Variants in ANGEL1 observed in about 807,000 individuals in gnomAD.
ANGEL1 encodes RNA 2',3'-cyclic phosphatase ANGEL1.
In ANGEL1, 62 loss-of-function variants were observed where a neutral mutation model predicts 76.4. The ratio of observed to expected loss-of-function variants is 0.81; its 90% CI spans 0.66 to 1.00. ANGEL1 has a LOEUF of 1.00. ANGEL1 is among the 50% of genes least tolerant of loss of function. ANGEL1 has a pLI of 0.00. For synonymous variants in ANGEL1, 340 were observed against 331.7 expected, an observed-to-expected ratio of 1.03 and a Z score of -0.27; for missense variants, 737 against 836.7, an observed-to-expected ratio of 0.88 and a Z score of 1.47.
chr14:76,803,987 T>C (rs1406060432), intron 5 of ANGEL1, 75 bp from the exon 6 acceptor site: 13 of 1,613,392 alleles, frequency 8.1e-6, no homozygotes, highest in East Asian at 2.2e-5. Context: ...TTTTGGGACA[T>C]GTGGACAAAT....
Position 76,803,456 on chromosome 14 carries a change from G to A in ANGEL1, c.1533C>T (p.Phe511=). ...RSERRKYGRD[F]LLRFRFCSIA... ...TGCTGCAGAAGCGGAAACGTAGCAG[G>A]AAGTCTCGGCCATACTTGCGTCTCT... Residue 511 remains phenylalanine, a synonymous_variant, in exon 7 of 10, where the codon TTC becomes TTT. Transcript: ENST00000251089. The A allele has an allele frequency of 6.2e-7, 1 of 1,614,206 alleles. No homozygotes were observed.
rs772561175 is a variant in ANGEL1, at chr14:76,806,672, G to A, written c.1124C>T (p.Pro375Leu). ...GLVLLLQPLV[P>L]EGLGQVSVAP... ...CACCGAGACTTGTCCCAGGCCTTCT[G>A]GGACGAGTGGTTGCAGTAGCAACAC... Residue 375 changes from proline to leucine, a missense_variant, in exon 5 of 10, where the codon CCA (proline) becomes CTA (leucine). Pro to Leu is a moderately conservative substitution (Grantham distance 98, BLOSUM62 -3). This residue lies in a region of ANGEL1 where 296 missense variants were observed against 387.2 expected (regional missense o/e 0.76). Coordinates refer to ENST00000251089, the MANE Select transcript of ANGEL1 (RefSeq NM_015305.4). The A allele has an allele frequency of 1.9e-6, 3 of 1,613,964 alleles. No homozygotes were observed. The highest frequency in any genetic ancestry group is 1.3e-5 in the African/African-American group (1 of 74,992).
chr14:76,812,306 T>C (rs1431616913), intron 1 of ANGEL1: 14 of 996,686 alleles, frequency 1.4e-5, no homozygotes, highest in Non-Finnish European at 1.7e-5. Context: ...GAAGTTAACC[T>C]GGGGAAGATC....
At chr14:76,797,605 A>G (rs1894621205) in intron 7 of ANGEL1, among the ~76,000 whole-genome samples, 1 of 152,194 alleles carries the variant, frequency 6.6e-6, no homozygotes, top group African/African-American at 2.4e-5. Context: ...GTCTCGAAAA[A>G]AAAAGAAAAC....
At chr14:76,810,197 G>A (rs1895042185) in intron 1 of ANGEL1, 1 of 454,568 alleles carries the variant, frequency 2.2e-6, no homozygotes, top group Admixed American at 2.4e-5. Context: ...AGAGGCAGCA[G>A]GATCACTTGA....
At chr14:76,797,096 A>C (rs930404630) in intron 7 of ANGEL1, among the ~76,000 whole-genome samples, 8 of 152,188 alleles carry the variant, frequency 5.3e-5, no homozygotes, top group Non-Finnish European at 7.4e-5. Flanking sequence ...TGCTACCTCT[A>C]CATGAGCTAC....
chr14:76,798,721 G>A (rs1894657354), intron 7 of ANGEL1, among the ~76,000 whole-genome samples: 1 of 152,206 alleles, frequency 6.6e-6, no homozygotes, highest in Middle Eastern at 3.4e-3. Context: ...GCCGAGGTGG[G>A]TGGATCATTT....
At chr14:76,789,417 A>C in intron 9 of ANGEL1, 29 bp from the exon 10 acceptor site, 1 of 1,612,514 alleles carries the variant, frequency 6.2e-7, no homozygotes, top group Non-Finnish European at 8.5e-7. Flanking sequence ...GCCAATGGGT[A>C]AAAGCAGCCG....
At chr14:76,792,643 CAT>C (rs1480794105) in intron 7 of ANGEL1, among the ~76,000 whole-genome samples, 2 of 152,060 alleles carry the variant, frequency 1.3e-5, no homozygotes, top group African/African-American at 2.4e-5. Flanking sequence ...AAAAAAGCCA[CAT>C]GATTATCTAA....
chr14:76,791,175 G>C, intron 8 of ANGEL1, 122 bp downstream of exon 8: 1 of 1,073,796 alleles, frequency 9.3e-7, no homozygotes, highest in Non-Finnish European at 1.4e-6. Context: ...GCAGATATTA[G>C]GGGAAAAAGA....
At chr14:76,810,513 A>G (rs927798857) in intron 1 of ANGEL1, among the ~76,000 whole-genome samples, 2 of 152,302 alleles carry the variant, frequency 1.3e-5, no homozygotes, top group African/African-American at 4.8e-5. Context: ...TTCTAGCTGT[A>G]TAAATTCCCT....
chr14:76,792,566 G>T (rs1293393114), intron 7 of ANGEL1, among the ~76,000 whole-genome samples: 1 of 152,076 alleles, frequency 6.6e-6, no homozygotes, highest in Non-Finnish European at 1.5e-5. Context: ...TCCTAGGAAT[G>T]TAAGCATGGT....
intron 7 of ANGEL1, among the ~76,000 whole-genome samples, chr14:76,801,330 T>C (rs559377182): frequency 1.3e-5 from 2 of 152,206 alleles, no homozygotes; most frequent in East Asian, 3.9e-4. Flanking sequence ...CAGGCTGGTC[T>C]CAAACTCCTG....
At chr14:76,812,641 T>C (rs959154388) in intron 1 of ANGEL1, 123 bp downstream of exon 1, 1 of 1,344,612 alleles carries the variant, frequency 7.4e-7, no homozygotes, top group Admixed American at 3.7e-5. Context: ...TCCCTACACC[T>C]CGGCACTGCC....
chr14:76,789,441 T>A lies in ANGEL1; in HGVS notation c.1853-53A>T, dbSNP rs1894333128. ...TAAAAGCAGCCGCAGCCACACTGCATGGGCAGGCAGTGGCAGAGTCCTTTG... is the reference window on the plus strand; with the variant it reads ...TAAAAGCAGCCGCAGCCACACTGCAAGGGCAGGCAGTGGCAGAGTCCTTTG... On this transcript the variant is annotated intron_variant, in intron 9 of 9. Transcript: ENST00000251089. 1.5e-5 allele frequency: 24 copies of A among 1,602,478 alleles called. No individual in the cohort carries two copies. In the South Asian group the frequency reaches 2.2e-4, roughly 15 times the overall value.
rs750837442 is a variant in ANGEL1 at position 76,807,546 on chromosome 14, T to C, written c.877-44A>G. The C allele has an allele frequency of 7.5e-6, 12 of 1,597,832 alleles. No individual in the cohort carries two copies. In the East Asian group the frequency reaches 2.5e-4, roughly 33 times the overall value. Reference sequence around the variant, plus strand: ...ACCCAATCACTCCAGAGTGCTGGAATGTGACCCCCACCCTCTAGGAGCAGG... The same window carrying C: ...ACCCAATCACTCCAGAGTGCTGGAACGTGACCCCCACCCTCTAGGAGCAGG... On this transcript the variant is annotated intron_variant, in intron 3 of 9. Transcript: ENST00000251089.
rs112562504 is a variant in ANGEL1 at position 76,787,063 on chromosome 14, A to G, written c.*2165T>C. ...CCCTGTTCCTCCCAGGCCTCACAGC[A>G]GTGGGAATTTACCTCAGCTAATAGA... On this transcript the variant is annotated 3_prime_UTR_variant, in exon 10 of 10. Transcript: ENST00000251089. The G allele has an allele frequency of 6.6e-4, 100 of 152,348 alleles. No individual in the cohort carries two copies. The highest frequency in any genetic ancestry group is 3.4e-3 in the Middle Eastern group (1 of 294). 9.4% of individuals were successfully genotyped at this position (152,348 alleles called of 1,614,324 possible). A position where few individuals can be genotyped will look rare whatever the true frequency, so the allele number is the denominator to read the frequency against.
intron 7 of ANGEL1, among the ~76,000 whole-genome samples, chr14:76,791,831 TATAC>T (rs1160988369): frequency 6.6e-6 from 1 of 152,162 alleles, no homozygotes; most frequent in Non-Finnish European, 1.5e-5. Flanking sequence ...TACATGTATA[TATAC>T]ATACATATTA....
At chr14:76,803,949 A>C (rs772290048) in intron 5 of ANGEL1, 37 bp from the exon 6 acceptor site, 1 of 1,614,156 alleles carries the variant, frequency 6.2e-7, no homozygotes, top group Admixed American at 1.7e-5. Context: ...AAGGAAACCA[A>C]GATAGAAAAA....
Sources: allele counts gnomAD v4.1 joint callset (sites outside exome capture counted in the v4.1 genomes callset), GRCh38; gene constraint gnomAD v4.1.1; regional missense constraint gnomAD v4.1.1; transcripts MANE v1.5; gene names NCBI Gene and HGNC (gene_info 2026-07-23, HGNC 2026-07-21).